KCNIP4: variants seen among roughly 807,000 people sequenced by gnomAD.
KCNIP4 encodes potassium voltage-gated channel interacting protein 4.
A neutral mutation model predicts 34.0 loss-of-function variants in KCNIP4; 12 were observed. That is an observed-to-expected ratio of 0.35 (90% confidence interval 0.23 to 0.57). The LOEUF (loss-of-function observed/expected upper bound fraction) is 0.57. Ranked by LOEUF, KCNIP4 falls within the 20% of genes least tolerant of loss-of-function variation. KCNIP4 has a pLI of 0.83. For synonymous variants in KCNIP4, 124 were observed against 102.2 expected (o/e 1.21, Z -1.29); for missense variants, 238 against 311.7 (o/e 0.76, Z 1.78).
At chr4:20,981,516 G>A (rs1313122188) in intron 1 of KCNIP4, among the ~76,000 whole-genome samples, 1 of 152,178 alleles carries the variant, frequency 6.6e-6, no homozygotes, top group Admixed American at 6.5e-5. Context: ...GTATGTTGTA[G>A]TAGGAAAAGC....
At chr4:20,802,952 G>C (rs1714533858) in intron 3 of KCNIP4, among the ~76,000 whole-genome samples, 1 of 151,756 alleles carries the variant, frequency 6.6e-6, no homozygotes, top group Non-Finnish European at 1.5e-5. Context: ...GCAGGCACCT[G>C]TAGTCCCAGC....
chr4:20,977,082 C>T (rs1427270319), intron 1 of KCNIP4, among the ~76,000 whole-genome samples: 1 of 152,148 alleles, frequency 6.6e-6, no homozygotes, highest in Non-Finnish European at 1.5e-5. Flanking sequence ...ATCCACACAC[C>T]TCGGTCTCCC....
chr4:21,769,278 C>G (rs1174419100), intron 1 of KCNIP4, among the ~76,000 whole-genome samples: 1 of 151,794 alleles, frequency 6.6e-6, no homozygotes, highest in Non-Finnish European at 1.5e-5. Context: ...ATCTATTAAC[C>G]GTTTCTATTT....
At position 21,000,692 on chromosome 4, in the gene KCNIP4, G is replaced by GA. The variant is rs569430383; in HGVS notation, c.62-117984dup. On this transcript the variant is annotated intron_variant, in intron 1 of 8. Transcript: ENST00000382152. ...AAGAACATAACTTCGTCTCAAAGAA[G>GA]AAAAAAAAAAAGATAAAATCCCATT... 3.7e-4 allele frequency among the ~76,000 whole-genome samples: 53 copies of GA among 143,950 alleles called. 1 individual carries two copies. The highest frequency in any genetic ancestry group is 1.8e-3 in the South Asian group (8 of 4,498). The allele number at this position is 143,950 out of a possible 152,430, so 94.4% of individuals were successfully genotyped here. A position where few individuals can be genotyped will look rare whatever the true frequency, so the allele number is the denominator to read the frequency against.
intron 1 of KCNIP4, among the ~76,000 whole-genome samples, chr4:21,071,846 A>C (rs981747826): frequency 6.6e-6 from 1 of 151,840 alleles, no homozygotes; most frequent in African/African-American, 2.4e-5. Context: ...CCTGTGTCCA[A>C]GTGTTCTCAT....
chr4:20,960,442 A>G (rs1733737398), intron 1 of KCNIP4, among the ~76,000 whole-genome samples: 1 of 152,230 alleles, frequency 6.6e-6, no homozygotes, highest in Non-Finnish European at 1.5e-5. Context: ...AAACGCCATT[A>G]GCTGCCTCTT....
intron 1 of KCNIP4, among the ~76,000 whole-genome samples, chr4:21,419,975 T>C (rs542524288): frequency 2.0e-5 from 3 of 152,268 alleles, no homozygotes; most frequent in Admixed American, 2.0e-4. Context: ...AAAATAATTA[T>C]AAACAAAGAG....
At chr4:21,562,693 GCC>G in intron 1 of KCNIP4, among the ~76,000 whole-genome samples, 1 of 151,876 alleles carries the variant, frequency 6.6e-6, no homozygotes, top group African/African-American at 2.4e-5. Context: ...TTTCTAGAAG[GCC>G]AACAACAAAA....
At chr4:21,854,670 A>G (rs1578073343) in intron 1 of KCNIP4, among the ~76,000 whole-genome samples, 1 of 152,110 alleles carries the variant, frequency 6.6e-6, no homozygotes, top group Non-Finnish European at 1.5e-5. Flanking sequence ...AATACCAGTC[A>G]TCTCTAATGT....
chr4:21,431,413 A>C (rs1363866230), intron 1 of KCNIP4, among the ~76,000 whole-genome samples: 5 of 152,112 alleles, frequency 3.3e-5, no homozygotes, highest in Non-Finnish European at 7.4e-5. Flanking sequence ...CATAGTACCA[A>C]CCATAATTCT....
At chr4:21,575,540 T>A (rs1236268724) in intron 1 of KCNIP4, among the ~76,000 whole-genome samples, 1 of 152,128 alleles carries the variant, frequency 6.6e-6, no homozygotes, top group Admixed American at 6.6e-5. Flanking sequence ...TTTCTCTTCC[T>A]CCTCTTCCTT....
At chr4:21,000,839 C>T (rs1738068054) in intron 1 of KCNIP4, among the ~76,000 whole-genome samples, 1 of 152,202 alleles carries the variant, frequency 6.6e-6, no homozygotes, top group Non-Finnish European at 1.5e-5. Flanking sequence ...ATGCTTCTAT[C>T]TCAGGGATAT....
At chr4:21,644,616 T>TCAA (rs1435041539) in intron 1 of KCNIP4, among the ~76,000 whole-genome samples, 1 of 152,194 alleles carries the variant, frequency 6.6e-6, no homozygotes, top group African/African-American at 2.4e-5. Context: ...ATTATTTTAG[T>TCAA]CAACGCCTGG....
At chr4:21,742,434 A>C (rs888229245) in intron 1 of KCNIP4, among the ~76,000 whole-genome samples, 3 of 152,236 alleles carry the variant, frequency 2.0e-5, no homozygotes, top group African/African-American at 7.2e-5. Context: ...CATTGTGATT[A>C]AAGGAGACCT....
chr4:21,689,020 A>G (rs1054945030), intron 1 of KCNIP4, among the ~76,000 whole-genome samples: 2 of 152,042 alleles, frequency 1.3e-5, no homozygotes, highest in Admixed American at 6.6e-5. Context: ...TGGTTGGTTG[A>G]GTTAACTGCT....
intron 1 of KCNIP4, among the ~76,000 whole-genome samples, chr4:21,027,212 A>T (rs1393557539): frequency 6.6e-6 from 1 of 152,158 alleles, no homozygotes; most frequent in Non-Finnish European, 1.5e-5. Context: ...TCAACAAAGT[A>T]TGGCCTGTGG....
chr4:21,215,239 G>GT (rs1341182623), intron 1 of KCNIP4, among the ~76,000 whole-genome samples: 3 of 152,006 alleles, frequency 2.0e-5, no homozygotes, highest in Non-Finnish European at 4.4e-5. Context: ...GGCTTAGAAC[G>GT]TATCTTCATT....
intron 1 of KCNIP4, among the ~76,000 whole-genome samples, chr4:21,016,618 T>C (rs1739570102): frequency 6.6e-6 from 1 of 152,034 alleles, no homozygotes; most frequent in Admixed American, 6.6e-5. Flanking sequence ...TTTTTATTTT[T>C]ATTTTTTTCG....
chr4:20,769,545 G>A (rs1034842380), intron 3 of KCNIP4, among the ~76,000 whole-genome samples: 2 of 152,180 alleles, frequency 1.3e-5, no homozygotes, highest in African/African-American at 4.8e-5. Flanking sequence ...GGTGCCCTGG[G>A]ACAAAGCCTA....
Sources: allele counts gnomAD v4.1 joint callset (sites outside exome capture counted in the v4.1 genomes callset), GRCh38; gene constraint gnomAD v4.1.1; transcripts MANE v1.5; gene names NCBI Gene and HGNC (gene_info 2026-07-23, HGNC 2026-07-21).